The following IL15RA variants were observed in gnomAD, a reference collection of about 807,000 sequenced individuals.
IL15RA encodes the protein interleukin 15 receptor subunit alpha.
Under a neutral mutation model 24.2 loss-of-function variants are expected in IL15RA, and 26 were observed. That is an observed-to-expected ratio of 1.07 (90% CI 0.79 to 1.49). The LOEUF is 1.49. IL15RA is among the 40% of genes most tolerant of loss of function. The pLI, the probability that IL15RA is intolerant of heterozygous loss-of-function variation, is 0.00. For missense variants in IL15RA, 354 were observed against 356.4 expected, an observed-to-expected ratio of 0.99 and a Z score of 0.05; for synonymous variants, 166 against 157.6, an observed-to-expected ratio of 1.05 and a Z score of -0.40.
At chr10:5,976,498 A>G (rs1838471914) in intron 1 of IL15RA, among the ~76,000 whole-genome samples, 1 of 152,158 alleles carries the variant, frequency 6.6e-6, no homozygotes, top group Non-Finnish European at 1.5e-5. Context: ...CACATTTTGT[A>G]ACTATGTTCA....
rs769857872 is a variant in IL15RA, at chr10:5,958,393, G to A, written c.616+1361C>T. On this transcript the variant is annotated intron_variant, in intron 5 of 6. Transcript: ENST00000379977. This position sits in a 1 kb window ranked among gnomAD's most constrained non-coding sequence, Gnocchi z 4.3. ...GAGTTAGAAATGGGATTTGCTTTTC[G>A]TCTTTTTTTTGAGACAGGGTCCTGT... 2.1e-4 allele frequency: 90 copies of A among 431,742 alleles called. No homozygotes were observed. Among genetic ancestry groups the A allele is most frequent in the South Asian group, 1.6e-4 (10 of 61,192 alleles). The allele number at this position is 431,742 out of a possible 1,614,324, so 26.7% of individuals were successfully genotyped here. A position where few individuals can be genotyped will look rare whatever the true frequency, so the allele number is the denominator to read the frequency against.
At chr10:5,951,194 G>GTGTGCC (rs747391755), downstream of IL15RA, among the ~76,000 whole-genome samples, 16 of 147,582 alleles carry the variant, frequency 1.1e-4, no homozygotes, top group Non-Finnish European at 1.5e-4. Context: ...GTGTTGTGGT[G>GTGTGCC]TGTGCCTGTG....
chr10:5,968,152 GAATTCTTATAAAAATC>G lies in IL15RA; in HGVS notation c.89-1829_89-1814del, dbSNP rs1210586784. Among the ~76,000 whole-genome samples the G allele has an allele frequency of 3.9e-4, 59 of 152,256 alleles. No individual in the cohort carries two copies. The highest frequency in any genetic ancestry group is 3.4e-3 in the Middle Eastern group (1 of 294). The stretch of plus-strand genomic sequence containing the variant: ...AGTGTTAAGAACCTTAGCACGGAGA[GAATTCTTATAAAAATC>G]AACACAAGACAAATACCCTAATGGC... On this transcript the variant is annotated intron_variant, in intron 1 of 6. Transcript: ENST00000379977. This position sits in a 1 kb window ranked among gnomAD's most constrained non-coding sequence, Gnocchi z 5.4.
In IL15RA at chr10:5,956,369, T is replaced by G. The variant is rs745905143; in HGVS notation, c.692+10A>C. 20 of 1,604,680 alleles carry G rather than the reference T, an allele frequency of 1.2e-5. No individual in the cohort carries two copies. The highest frequency in any genetic ancestry group is 1.5e-5 in the Non-Finnish European group (18 of 1,171,584). The stretch of plus-strand genomic sequence containing the variant: ...TAACTCTTGCAGAGGGAGTATCCAG[T>G]GCAACTCACCTTGACTTGAGGTAGC... On this transcript the variant is annotated intron_variant, in intron 6 of 6. Transcript: ENST00000379977.
At position 5,958,154 on chromosome 10, in the gene IL15RA, T is replaced by C. The variant is rs1834846580; in HGVS notation, c.616+1600A>G. 1 of 318,904 alleles carries C rather than the reference T, an allele frequency of 3.1e-6. No homozygotes were observed. The highest frequency in any genetic ancestry group is 6.4e-6 in the Non-Finnish European group (1 of 156,478). 19.8% of individuals were successfully genotyped at this position (318,904 alleles called of 1,614,324 possible). A position where few individuals can be genotyped will look rare whatever the true frequency, so the allele number is the denominator to read the frequency against. ...GAATTCCATACAGTGGAATATTCTG[T>C]AGCTGTTAAAAACGATGAGATGGTT... is the stretch of plus-strand genomic sequence containing the variant. On this transcript the variant is annotated intron_variant, in intron 5 of 6. Transcript: ENST00000379977. The surrounding 1 kb of genome is among the most constrained non-coding windows in gnomAD (Gnocchi z 4.3).
intron 1 of IL15RA, among the ~76,000 whole-genome samples, chr10:5,972,720 T>C (rs1374351180): frequency 1.3e-5 from 2 of 152,162 alleles, no homozygotes; most frequent in Non-Finnish European, 2.9e-5. Context: ...AGTAAAAAAA[T>C]GAATCATATG....
Position 5,956,245 on chromosome 10 carries a change from C to T in IL15RA, c.692+134G>A, listed in dbSNP as rs1589160632. 5.9e-6 allele frequency: 4 copies of T among 673,988 alleles called. No homozygotes were observed. The East Asian group carries it at 8.3e-5, about 14-fold the overall frequency. 41.8% of individuals were successfully genotyped at this position (673,988 alleles called of 1,614,324 possible). On this transcript the variant is annotated intron_variant, in intron 6 of 6. Transcript: ENST00000379977. ...GGCCAGGCTGGTCTCAAACTCCTGA[C>T]CTCAAGTGATCTGCCCGCCTTGGCC...
At chr10:5,977,033 C>A (rs917431145) in intron 1 of IL15RA, 1 of 189,750 alleles carries the variant, frequency 5.3e-6, no homozygotes, top group Non-Finnish European at 1.1e-5. Flanking sequence ...GCAGTCCAGG[C>A]GCCTGGGAGA....
At chr10:5,950,988 A>T (rs1833818445), downstream of IL15RA, among the ~76,000 whole-genome samples, 1 of 151,754 alleles carries the variant, frequency 6.6e-6, no homozygotes, top group African/African-American at 2.4e-5. The surrounding 1 kb of genome is among the most constrained non-coding windows in gnomAD (Gnocchi z 5.6). Context: ...AAAAATACAA[A>T]AAATTAGGCG....
At position 5,958,646 on chromosome 10, in the gene IL15RA, C is replaced by G. The variant is rs1834949523; in HGVS notation, c.616+1108G>C. 6.6e-6 allele frequency among the ~76,000 whole-genome samples: 1 copy of G among 152,320 alleles called. No homozygotes were observed. Among genetic ancestry groups the G allele is most frequent in the Middle Eastern group, 3.4e-3 (1 of 294 alleles). ...CAGTGATCAGCCCCCCTCGGCCTCC[C>G]AAACTGCTGGGATTATAGGTGTGAG... On this transcript the variant is annotated intron_variant, in intron 5 of 6. Coordinates refer to ENST00000379977, the MANE Select transcript of IL15RA (RefSeq NM_002189.4). The surrounding 1 kb of genome is among the most constrained non-coding windows in gnomAD (Gnocchi z 4.3).
chr10:5,951,394 T>G (rs1241273436), downstream of IL15RA, among the ~76,000 whole-genome samples: 1 of 152,212 alleles, frequency 6.6e-6, no homozygotes, highest in Admixed American at 6.5e-5. Flanking sequence ...GATTGGGCAC[T>G]ATGCCCATGC....
rs143591030 is a variant in IL15RA, at chr10:5,963,764, T to C, written c.361A>G (p.Ser121Gly). Residue 121 changes from serine (S) to glycine (G), a missense_variant, in exon 3 of 7, where the codon AGC becomes GGC. Ser to Gly is a moderately conservative substitution (Grantham distance 56). Coordinates refer to ENST00000379977, the MANE Select transcript of IL15RA (RefSeq NM_002189.4). This position sits in a 1 kb window ranked among gnomAD's most constrained non-coding sequence, Gnocchi z 5.3. ...TTAGVTPQPESLSPSGKEPAA... is the reference protein window; with the variant it reads ...TTAGVTPQPEGLSPSGKEPAA... Reference sequence around the variant, plus strand: ...CTACCTTTTCCAGAAGGGGAGAGGCTCTCTGGCTGTGGGGTCACCCCTGCC... The same window carrying C: ...CTACCTTTTCCAGAAGGGGAGAGGCCCTCTGGCTGTGGGGTCACCCCTGCC... 3.2e-5 allele frequency: 49 copies of C among 1,521,962 alleles called. No individual in the cohort carries two copies. The African/African-American group carries it at 4.2e-4, about 13-fold the overall frequency. 94.3% of individuals were successfully genotyped at this position (1,521,962 alleles called of 1,614,324 possible).
downstream of IL15RA, among the ~76,000 whole-genome samples, chr10:5,950,493 G>T (rs1833790266): frequency 1.3e-5 from 2 of 152,244 alleles, no homozygotes; most frequent in East Asian, 1.9e-4. This position sits in a 1 kb window ranked among gnomAD's most constrained non-coding sequence, Gnocchi z 5.6. Flanking sequence ...CCAAATATTT[G>T]CTGGCATTTA....
chr10:5,949,870 T>A (rs2132207891), downstream of IL15RA, among the ~76,000 whole-genome samples: 1 of 152,172 alleles, frequency 6.6e-6, no homozygotes, highest in South Asian at 2.1e-4. This position sits in a 1 kb window ranked among gnomAD's most constrained non-coding sequence, Gnocchi z 4.4. Context: ...CTGAGGCGGT[T>A]GGATCACCTG....
rs953654564 is a variant in IL15RA at position 5,967,708 on chromosome 10, A to C, written c.89-1369T>G. On this transcript the variant is annotated intron_variant, in intron 1 of 6. Coordinates refer to ENST00000379977, the MANE Select transcript of IL15RA (RefSeq NM_002189.4). The surrounding 1 kb of genome is among the most constrained non-coding windows in gnomAD (Gnocchi z 4.4). The stretch of plus-strand genomic sequence containing the variant: ...CTGTTGGAAGTGACAGGTGTTGTTT[A>C]GTTACAGTTGTTGGTACATGCCCCT... Among the ~76,000 whole-genome samples the C allele has an allele frequency of 2.6e-5, 4 of 152,174 alleles. No homozygotes were observed. Among genetic ancestry groups the C allele is most frequent in the African/African-American group, 7.2e-5 (3 of 41,444 alleles).
rs934702838 is a variant in IL15RA, at chr10:5,975,472, TTGG to T, written c.88+1930_88+1932del. ...TTGGGAGTGATAGTTGTGTTCACTCTTGGTGGTGGCAGTGGTTTCATGAGTATG... is the reference window on the plus strand; with the variant it reads ...TTGGGAGTGATAGTTGTGTTCACTCTTGGTGGCAGTGGTTTCATGAGTATG... On this transcript the variant is annotated intron_variant, in intron 1 of 6. Transcript: ENST00000379977. The surrounding 1 kb of genome is among the most constrained non-coding windows in gnomAD (Gnocchi z 4.8). Among the ~76,000 whole-genome samples, 34 of 152,240 alleles carry T rather than the reference TTGG, an allele frequency of 2.2e-4. No individual in the cohort carries two copies. Among genetic ancestry groups the T allele is most frequent in the Middle Eastern group, 3.4e-3 (1 of 294 alleles).
At chr10:5,974,220 G>A (rs916629957) in intron 1 of IL15RA, among the ~76,000 whole-genome samples, 2 of 152,168 alleles carry the variant, frequency 1.3e-5, no homozygotes, top group Admixed American at 6.5e-5. Flanking sequence ...GGCTGGTCTC[G>A]AACTCCTGGC....
In IL15RA at chr10:5,963,871, T is replaced by G. The variant is rs747070633; in HGVS notation, c.284-30A>C. Reference sequence around the variant, plus strand: ...AGAGAGGATAACCACATGGCACTTATGATCCTGAGCCTGGAACCTGGGCTG... The same window carrying G: ...AGAGAGGATAACCACATGGCACTTAGGATCCTGAGCCTGGAACCTGGGCTG... On this transcript the variant is annotated intron_variant, in intron 2 of 6. Transcript: ENST00000379977. This position sits in a 1 kb window ranked among gnomAD's most constrained non-coding sequence, Gnocchi z 5.3. 3 of 1,439,378 alleles carry G rather than the reference T, an allele frequency of 2.1e-6. No homozygotes were observed. Among genetic ancestry groups the G allele is most frequent in the African/African-American group, 2.9e-5 (2 of 68,520 alleles). The allele number at this position is 1,439,378 out of a possible 1,614,324, so 89.2% of individuals were successfully genotyped here.
At position 5,975,592 on chromosome 10, in the gene IL15RA, G is replaced by GAA. The variant is rs8177639; in HGVS notation, c.88+1811_88+1812dup. 2.4e-4 allele frequency among the ~76,000 whole-genome samples: 37 copies of GAA among 151,506 alleles called. No individual in the cohort carries two copies. Among genetic ancestry groups the GAA allele is most frequent in the South Asian group, 4.2e-4 (2 of 4,760 alleles). ...TATACCTCAATAAGGCTGTTAAAGG[G>GAA]AAAAAAAACAACGGCTGGGCAAGCT... On this transcript the variant is annotated intron_variant, in intron 1 of 6. Transcript: ENST00000379977. The surrounding 1 kb of genome is among the most constrained non-coding windows in gnomAD (Gnocchi z 4.8).
Sources: gnomAD v4.1 joint callset for allele counts (sites outside exome capture counted in the v4.1 genomes callset) on GRCh38, gnomAD v4.1.1 for gene constraint, Gnocchi (gnomAD v3.1) non-coding constraint, MANE v1.5 for transcripts, NCBI Gene and HGNC (gene_info 2026-07-23, HGNC 2026-07-21) for gene names.